Variants in MYO7A observed in about 807,000 individuals in gnomAD.
The protein encoded by MYO7A is myosin VIIA.
A neutral mutation model predicts 263.8 loss-of-function variants in MYO7A; 210 were observed. The ratio of observed to expected loss-of-function variants is 0.80; its 90% CI spans 0.71 to 0.89. The LOEUF (loss-of-function observed/expected upper bound fraction) is 0.89. Among genes scored for constraint, MYO7A ranks in the 40% least tolerant of loss-of-function variants. The pLI is 0.00. For synonymous variants in MYO7A, 1,239 were observed against 1,197.3 expected (o/e 1.03, Z -0.72); for missense variants, 2,820 against 2,968.3 (o/e 0.95, Z 1.16).
intron 4 of MYO7A, among the ~76,000 whole-genome samples, chr11:77,151,004 T>G (rs963503641): frequency 2.6e-5 from 4 of 152,186 alleles, no homozygotes; most frequent in Non-Finnish European, 5.9e-5. Context: ...CCGATTACCA[T>G]GGCCAGCTCA....
In MYO7A at chr11:77,182,950, G is replaced by C. The variant is rs918694829; in HGVS notation, c.3286-118G>C. 1.0e-5 allele frequency: 9 copies of C among 892,030 alleles called. No individual in the cohort carries two copies. In the African/African-American group the frequency reaches 1.5e-4, roughly 15 times the overall value. The allele number at this position is 892,030 out of a possible 1,614,324, so 55.3% of individuals were successfully genotyped here. On this transcript the variant is annotated intron_variant, in intron 25 of 48. Coordinates refer to ENST00000409709, the MANE Select transcript of MYO7A (RefSeq NM_000260.4). Reference sequence around the variant, plus strand: ...GAGCAGGTGGACGGTGGCAGTGTGGGGGACACCCTGTAAGCTTCACGTGGA... The same window carrying C: ...GAGCAGGTGGACGGTGGCAGTGTGGCGGACACCCTGTAAGCTTCACGTGGA...
rs797033881 is a variant in MYO7A at position 77,181,863 on chromosome 11, C to T, written c.2905-88C>T. ...GCAGTAGCGTGATCACAGCTCACTG[C>T]AGCCTTGAACTTCTGGGCTCAGGCG... On this transcript the variant is annotated intron_variant, in intron 23 of 48. Transcript: ENST00000409709. 5.8e-6 allele frequency: 7 copies of T among 1,200,824 alleles called. No homozygotes were observed. The African/African-American group carries it at 7.6e-5, about 13-fold the overall frequency. 74.4% of individuals were successfully genotyped at this position (1,200,824 alleles called of 1,614,324 possible).
chr11:77,181,899 C>A, intron 23 of MYO7A, 52 bp from the exon 24 acceptor site: 1 of 1,575,770 alleles, frequency 6.3e-7, no homozygotes, highest in South Asian at 1.1e-5. Context: ...ATCCTCCCAC[C>A]TGAGCTTCCT....
At chr11:77,166,807 C>T (rs1333002562) in intron 15 of MYO7A, among the ~76,000 whole-genome samples, 1 of 152,248 alleles carries the variant, frequency 6.6e-6, no homozygotes, top group Non-Finnish European at 1.5e-5. Context: ...CATCACAGAG[C>T]TTCCAGGACC....
At chr11:77,172,717 C>T (rs782026030) in intron 15 of MYO7A, 31 bp from the exon 16 acceptor site, 10 of 1,546,964 alleles carry the variant, frequency 6.5e-6, no homozygotes, top group East Asian at 2.4e-5. Context: ...GCAGGCACAG[C>T]CCCTCCCATC....
intron 31 of MYO7A, among the ~76,000 whole-genome samples, chr11:77,192,914 AGGGTAGTGATGGTGTTGTTTGTGATGGT>A (rs1956226267): frequency 1.3e-5 from 1 of 74,294 alleles, no homozygotes; most frequent in Non-Finnish European, 2.7e-5. Context: ...GTGATGGTGG[AGGGTAGTGATGGTGTTGTTTGTGATGGT>A]GGAGGTAGTG....
At chr11:77,146,277 G>T (rs1485998481) in intron 3 of MYO7A, among the ~76,000 whole-genome samples, 1 of 152,210 alleles carries the variant, frequency 6.6e-6, no homozygotes, top group Non-Finnish European at 1.5e-5. Context: ...TGTGTCTAGC[G>T]CATGCTGGCC....
At chr11:77,175,616 C>T (rs1283016396) in intron 18 of MYO7A, among the ~76,000 whole-genome samples, 152 bp downstream of exon 18, 1 of 152,116 alleles carries the variant, frequency 6.6e-6, no homozygotes, top group African/African-American at 2.4e-5. Context: ...GGGATCTGGC[C>T]TCTCTGGTGG....
intron 2 of MYO7A, among the ~76,000 whole-genome samples, chr11:77,132,539 A>G (rs1432202401): frequency 2.6e-5 from 4 of 152,094 alleles, no homozygotes; most frequent in African/African-American, 7.2e-5. Context: ...ACCAGGCTGA[A>G]GTGCTATGGC....
At chr11:77,209,512 T>G (rs2135769468) in intron 44 of MYO7A, among the ~76,000 whole-genome samples, 1 of 152,234 alleles carries the variant, frequency 6.6e-6, no homozygotes, top group East Asian at 1.9e-4. Flanking sequence ...ACCTGGGATC[T>G]ACCTTTCCTC....
chr11:77,214,621 T>C lies in MYO7A; in HGVS notation c.6573T>C (p.Asp2191=), dbSNP rs1190303133. ...LCETSLGYKM[D]DLLTSYISQM... ...CCTGCTTCCAGGGCTACAAGATGGA[T>C]GACCTCCTGACTTCCTACATTAGCC... is the stretch of plus-strand genomic sequence containing the variant. Residue 2191 remains aspartate, a synonymous_variant, in exon 49 of 49, where the codon GAT becomes GAC. Transcript: ENST00000409709. 2 of 1,583,210 alleles carry C rather than the reference T, an allele frequency of 1.3e-6. No homozygotes were observed. The highest frequency in any genetic ancestry group is 2.7e-5 in the African/African-American group (2 of 74,286).
intron 22 of MYO7A, 147 bp from the exon 23 acceptor site, chr11:77,181,233 G>A (rs1555083889): frequency 1.6e-5 from 11 of 695,124 alleles, no homozygotes; most frequent in Non-Finnish European, 2.4e-6. Flanking sequence ...CAGAGGTGGG[G>A]AAGTCAGAGG....
chr11:77,215,059 A>C lies in MYO7A; in HGVS notation c.*363A>C, dbSNP rs115872143. On this transcript the variant is annotated 3_prime_UTR_variant, in exon 49 of 49. Coordinates refer to ENST00000409709, the MANE Select transcript of MYO7A (RefSeq NM_000260.4). ...ACTGGGATAGAGGAATCAAGAGGAC[A>C]ATCTAGCTCTCCATACTTTGAACAA... is the stretch of plus-strand genomic sequence containing the variant. The C allele has an allele frequency of 0.012, 2,897 of 247,134 alleles. 93 individuals carry two copies. The highest frequency in any genetic ancestry group is 0.059 in the African/African-American group (2,662 of 45,088). 15.3% of individuals were successfully genotyped at this position (247,134 alleles called of 1,614,324 possible). A position where few individuals can be genotyped will look rare whatever the true frequency, so the allele number is the denominator to read the frequency against.
Position 77,158,308 on chromosome 11 carries a change from A to T in MYO7A, c.881A>T (p.Asp294Val), listed in dbSNP as rs782496780. The T allele has an allele frequency of 1.9e-6, 3 of 1,610,520 alleles. No homozygotes were observed. Among genetic ancestry groups the T allele is most frequent in the Non-Finnish European group, 2.5e-6 (3 of 1,177,756 alleles). Reference protein sequence around the residue: ...GNCITCEGRVDSQEYANIRSA... With the variant: ...GNCITCEGRVVSQEYANIRSA... ...TGCATAACCTGTGAGGGCCGGGTGG[A>T]CAGCCAGGAGTACGCCAACATCCGC... The change falls in exon 9 of 49, where the codon GAC becomes GTC. Residue 294 changes from aspartate (D) to valine (V), a missense_variant. Coordinates refer to ENST00000409709, the MANE Select transcript of MYO7A (RefSeq NM_000260.4).
chr11:77,200,877 G>C (rs1266046893), intron 35 of MYO7A, among the ~76,000 whole-genome samples: 1 of 152,214 alleles, frequency 6.6e-6, no homozygotes, highest in African/African-American at 2.4e-5. Context: ...GGCTACCGAG[G>C]CCCTGGCCAA....
In MYO7A at chr11:77,203,065, C is replaced by T; in HGVS notation, c.5174C>T (p.Pro1725Leu). 1 of 1,547,932 alleles carries T rather than the reference C, an allele frequency of 6.5e-7. No homozygotes were observed. The highest frequency in any genetic ancestry group is 2.4e-5 in the East Asian group (1 of 40,906). Residue 1725 changes from proline to leucine, a missense_variant, in exon 38 of 49, where the codon CCA becomes CTA. Physicochemically the swap from Pro to Leu is moderately conservative, Grantham distance 98 (BLOSUM62 -3). Transcript: ENST00000409709. ...EEFSYDYFRP[P>L]PKHTLSRVMV... is the part of the protein sequence containing the mutation. ...CGGTCCCTGTGCTGCGGCAGGCCCC[C>T]ACCCAAGCACACGCTGAGCCGTGTC... is the stretch of plus-strand genomic sequence containing the variant.
chr11:77,136,501 AT>A (rs1555047432), intron 2 of MYO7A, among the ~76,000 whole-genome samples: 1 of 152,000 alleles, frequency 6.6e-6, no homozygotes, highest in African/African-American at 2.4e-5. Context: ...CTCTCCTCTG[AT>A]TCTCTGAGTT....
intron 41 of MYO7A, 116 bp downstream of exon 41, chr11:77,206,318 C>G: frequency 1.3e-6 from 1 of 759,852 alleles, no homozygotes. Flanking sequence ...CCGCCTCGTC[C>G]TCCTGCCCCG....
Position 77,214,078 on chromosome 11 carries a change from G to A in MYO7A, c.6558+99G>A, listed in dbSNP as rs1343129208. 2.6e-6 allele frequency: 4 copies of A among 1,534,090 alleles called. No homozygotes were observed. The African/African-American group carries it at 5.4e-5, about 21-fold the overall frequency. On this transcript the variant is annotated intron_variant, in intron 48 of 48. Coordinates refer to ENST00000409709, the MANE Select transcript of MYO7A (RefSeq NM_000260.4). ...AACAAACACAGTAGTGTGCGGCTGG[G>A]CCTGGGGTCGTGGGCAAGGGTCATG... is the stretch of plus-strand genomic sequence containing the variant.
Sources: gnomAD v4.1 joint callset for allele counts (sites outside exome capture counted in the v4.1 genomes callset) on GRCh38, gnomAD v4.1.1 for gene constraint, MANE v1.5 for transcripts, NCBI Gene and HGNC (gene_info 2026-07-23, HGNC 2026-07-21) for gene names.